The following CADM2 variants were observed in gnomAD, a reference collection of about 807,000 sequenced individuals.
The protein encoded by CADM2 is cell adhesion molecule 2, also known as immunoglobulin superfamily member 4D.
A neutral mutation model predicts 49.8 loss-of-function variants in CADM2; 12 were observed. The ratio of observed to expected loss-of-function variants is 0.24; its 90% confidence interval spans 0.15 to 0.39. The LOEUF is 0.39. CADM2 is among the 10% of genes least tolerant of loss of function. The pLI is 1.00. For missense variants in CADM2, 378 were observed against 492.3 expected, an observed-to-expected ratio of 0.77 and a Z score of 2.20; for synonymous variants, 214 against 175.4, an observed-to-expected ratio of 1.22 and a Z score of -1.74.
chr3:85,172,146 T>A (rs2040645739), intron 1 of CADM2, among the ~76,000 whole-genome samples: 1 of 152,176 alleles, frequency 6.6e-6, no homozygotes, highest in African/African-American at 2.4e-5. Context: ...AAAATTAGGT[T>A]ACCTGGGGAT....
chr3:85,279,653 A>G (rs150994878), intron 1 of CADM2, among the ~76,000 whole-genome samples: 142 of 151,570 alleles, frequency 9.4e-4, no homozygotes, highest in African/African-American at 3.2e-3. Context: ...CAATTTTTTT[A>G]GTTATCTAAA....
At chr3:85,385,800 C>CTT (rs3086134) in intron 1 of CADM2, 35,855 of 127,324 alleles carry the variant, frequency 0.28, 5,867 homozygotes, top group South Asian at 0.34. Context: ...TTCTCTCTCT[C>CTT]TTTTTTTTTT....
chr3:85,967,101 C>T (rs1725571235), intron 8 of CADM2, among the ~76,000 whole-genome samples: 1 of 151,548 alleles, frequency 6.6e-6, no homozygotes, highest in African/African-American at 2.4e-5. Flanking sequence ...TGTCAAAAAA[C>T]ACTCAAAGAC....
At chr3:85,043,303 TAATC>T (rs1408939562) in intron 1 of CADM2, among the ~76,000 whole-genome samples, 1 of 151,916 alleles carries the variant, frequency 6.6e-6, no homozygotes, top group African/African-American at 2.4e-5. Flanking sequence ...CAGCTTGAAA[TAATC>T]AATATGCCAA....
intron 1 of CADM2, among the ~76,000 whole-genome samples, chr3:85,326,417 G>T (rs1042665796): frequency 3.9e-5 from 6 of 152,006 alleles, no homozygotes; most frequent in African/African-American, 1.2e-4. Context: ...TCATAAAAGT[G>T]TACCTTTTTT....
chr3:85,999,561 G>A (rs1297064116), intron 8 of CADM2, among the ~76,000 whole-genome samples: 9 of 141,502 alleles, frequency 6.4e-5, no homozygotes, highest in Non-Finnish European at 1.4e-4. Flanking sequence ...AAGGAAGGCA[G>A]GAAGGCAGGA....
chr3:85,456,315 G>A (rs1359559087), intron 1 of CADM2, among the ~76,000 whole-genome samples: 1 of 152,090 alleles, frequency 6.6e-6, no homozygotes, highest in Non-Finnish European at 1.5e-5. Context: ...CTCTGACCCT[G>A]TATCTACTTG....
intron 1 of CADM2, among the ~76,000 whole-genome samples, chr3:85,556,264 A>T (rs1008545406): frequency 6.6e-6 from 1 of 152,012 alleles, no homozygotes; most frequent in Non-Finnish European, 1.5e-5. Context: ...CGTATGGGGG[A>T]GGTTGGTCAT....
At chr3:85,640,988 T>G (rs2107551112) in intron 1 of CADM2, among the ~76,000 whole-genome samples, 1 of 152,264 alleles carries the variant, frequency 6.6e-6, no homozygotes, top group South Asian at 2.1e-4. Context: ...AACTAAACAT[T>G]ATTCGAAGAG....
intron 6 of CADM2, among the ~76,000 whole-genome samples, chr3:85,913,983 C>T (rs1429261120): frequency 2.0e-5 from 3 of 152,014 alleles, no homozygotes; most frequent in African/African-American, 7.2e-5. Flanking sequence ...GAGAAAAATA[C>T]AGAGTGTTGT....
chr3:85,159,754 G>A (rs144324889), intron 1 of CADM2, among the ~76,000 whole-genome samples: 48 of 152,138 alleles, frequency 3.2e-4, no homozygotes, highest in Non-Finnish European at 5.7e-4. Flanking sequence ...ATTTTACAGA[G>A]TTTTTAGGGA....
chr3:85,774,727 G>A (rs184680092), intron 2 of CADM2, among the ~76,000 whole-genome samples: 54 of 151,160 alleles, frequency 3.6e-4, no homozygotes, highest in Admixed American at 3.0e-3. Context: ...CTCATAATAG[G>A]TCACCTAAAT....
In CADM2 at chr3:85,372,941, C is replaced by T. The variant is rs974806553; in HGVS notation, c.62-353581C>T. 9.2e-5 allele frequency among the ~76,000 whole-genome samples: 14 copies of T among 152,072 alleles called. No individual in the cohort carries two copies. In the South Asian group the frequency reaches 2.1e-3, roughly 23 times the overall value. The stretch of plus-strand genomic sequence containing the variant: ...CTATTACCTCACACCAGGTCTCTCC[C>T]GTGGACACATGGGGATTATGGGAGC... On this transcript the variant is annotated intron_variant, in intron 1 of 9. Coordinates refer to ENST00000383699, the MANE Select transcript of CADM2 (RefSeq NM_001167675.2).
rs143210783 is a variant in CADM2 at position 85,817,180 on chromosome 3, A to C, written c.238+14984A>C. 2.6e-5 allele frequency among the ~76,000 whole-genome samples: 4 copies of C among 152,288 alleles called. No individual in the cohort carries two copies. The East Asian group carries it at 7.7e-4, about 29-fold the overall frequency. On this transcript the variant is annotated intron_variant, in intron 3 of 9. Transcript: ENST00000383699. The stretch of plus-strand genomic sequence containing the variant: ...TACCAAAGTGTGGGTATTTTTAAGA[A>C]TCAAGTCTCCTGGTTTTACACCTTT...
At chr3:84,990,660 G>A (rs1404263780) in intron 1 of CADM2, among the ~76,000 whole-genome samples, 1 of 151,906 alleles carries the variant, frequency 6.6e-6, no homozygotes. Flanking sequence ...CAATGAAAAC[G>A]AGTAGGAGGT....
Position 85,173,207 on chromosome 3 carries a change from G to A in CADM2, c.61+213539G>A, listed in dbSNP as rs113888467. 6.9e-3 allele frequency among the ~76,000 whole-genome samples: 1,042 copies of A among 151,532 alleles called. 11 individuals carry two copies. Among genetic ancestry groups the A allele is most frequent in the African/African-American group, 0.023 (954 of 41,350 alleles). The stretch of plus-strand genomic sequence containing the variant: ...TTTACATATAAATATAGATAGATAT[G>A]GGTATATAGATAAGGATTGACAATT... On this transcript the variant is annotated intron_variant, in intron 1 of 9. Coordinates refer to ENST00000383699, the MANE Select transcript of CADM2 (RefSeq NM_001167675.2).
intron 7 of CADM2, among the ~76,000 whole-genome samples, chr3:85,953,448 A>G (rs547682403): frequency 3.3e-5 from 5 of 151,034 alleles, no homozygotes; most frequent in African/African-American, 1.2e-4. Flanking sequence ...GAGGGCAAGC[A>G]TTCTACCCAG....
chr3:85,372,302 A>G (rs1181760524), intron 1 of CADM2, among the ~76,000 whole-genome samples: 3 of 151,734 alleles, frequency 2.0e-5, no homozygotes, highest in Non-Finnish European at 4.4e-5. Flanking sequence ...GTTTGTCCAA[A>G]AGGAATGTCA....
At chr3:85,105,109 T>C (rs1336252028) in intron 1 of CADM2, among the ~76,000 whole-genome samples, 1 of 152,056 alleles carries the variant, frequency 6.6e-6, no homozygotes, top group Non-Finnish European at 1.5e-5. Context: ...AACACTATGT[T>C]GAATAGGAGT....
Sources: gnomAD v4.1 joint callset for allele counts (sites outside exome capture counted in the v4.1 genomes callset) on GRCh38, gnomAD v4.1.1 for gene constraint, MANE v1.5 for transcripts, NCBI Gene and HGNC (gene_info 2026-07-23, HGNC 2026-07-21) for gene names.